Variants in LRRFIP2 observed in about 807,000 individuals in gnomAD.
LRRFIP2 encodes LRR binding FLII interacting protein 2, also known as leucine-rich repeat flightless-interacting protein 2.
In LRRFIP2, 109 loss-of-function variants were observed where a neutral mutation model predicts 125.9. That is an observed-to-expected ratio of 0.87 (90% CI 0.74 to 1.01). The LOEUF is 1.01. Among genes scored for constraint, LRRFIP2 ranks in the 50% least tolerant of loss-of-function variants. The pLI is 0.00. For synonymous variants in LRRFIP2, 291 were observed against 293.1 expected (o/e 0.99, Z 0.07); for missense variants, 850 against 862.3 (o/e 0.99, Z 0.18).
intron 2 of LRRFIP2, among the ~76,000 whole-genome samples, chr3:37,143,339 C>G (rs1163333370): frequency 2.0e-5 from 3 of 152,224 alleles, no homozygotes; most frequent in African/African-American, 7.2e-5. Flanking sequence ...TGAAGATGGT[C>G]TTCGTCAGGA....
At chr3:37,148,686 C>A (rs1433019460) in intron 2 of LRRFIP2, among the ~76,000 whole-genome samples, 1 of 152,208 alleles carries the variant, frequency 6.6e-6, no homozygotes, top group African/African-American at 2.4e-5. Flanking sequence ...ATGTGTTGTT[C>A]AGAGATTCAT....
At chr3:37,065,582 C>A in intron 23 of LRRFIP2, 4 of 672,972 alleles carry the variant, frequency 5.9e-6, no homozygotes, top group Non-Finnish European at 1.1e-5. Context: ...GTACTTCCAT[C>A]CACAGGCCTT....
chr3:37,119,137 A>T (rs2094916438), intron 6 of LRRFIP2, among the ~76,000 whole-genome samples: 1 of 152,186 alleles, frequency 6.6e-6, no homozygotes, highest in Non-Finnish European at 1.5e-5. Context: ...ACAGAGAGTA[A>T]TGTACTAGAA....
chr3:37,147,209 AG>A (rs2095877489), intron 2 of LRRFIP2, among the ~76,000 whole-genome samples: 1 of 152,184 alleles, frequency 6.6e-6, no homozygotes. Flanking sequence ...AAGAAACAAC[AG>A]ATGCTGACGA....
intron 1 of LRRFIP2, among the ~76,000 whole-genome samples, chr3:37,158,942 ATAAAAG>A (rs1169007879): frequency 6.6e-6 from 1 of 152,200 alleles, no homozygotes; most frequent in South Asian, 2.1e-4. Context: ...TACTGGGAAA[ATAAAAG>A]TAAAGAGACC....
intron 16 of LRRFIP2, among the ~76,000 whole-genome samples, chr3:37,095,943 G>A (rs972158857): frequency 2.0e-5 from 3 of 152,164 alleles, no homozygotes; most frequent in Non-Finnish European, 4.4e-5. Flanking sequence ...TACCTAGTCT[G>A]GCCTAGTAAT....
chr3:37,082,016 TTTTC>T (rs1478971378), intron 19 of LRRFIP2, among the ~76,000 whole-genome samples: 3 of 151,858 alleles, frequency 2.0e-5, no homozygotes, highest in Non-Finnish European at 4.4e-5. Context: ...ATTATAAGGG[TTTTC>T]TTTATTTTTA....
chr3:37,160,768 A>T (rs1405253740), intron 1 of LRRFIP2, among the ~76,000 whole-genome samples: 1 of 151,722 alleles, frequency 6.6e-6, no homozygotes. Context: ...AACAGGAGTG[A>T]AACTCTGTCT....
chr3:37,116,446 C>T lies in LRRFIP2; in HGVS notation c.331-1351G>A, dbSNP rs566742809. Among the ~76,000 whole-genome samples, 85 of 152,132 alleles carry T rather than the reference C, an allele frequency of 5.6e-4. 1 individual carries two copies. The South Asian group carries it at 0.017, about 31-fold the overall frequency. ...GCCACCGTACCCTGCCCTCAACCAGCATTTTAAAAACTAAACTAGAAGAGA... is the reference window on the plus strand; with the variant it reads ...GCCACCGTACCCTGCCCTCAACCAGTATTTTAAAAACTAAACTAGAAGAGA... On this transcript the variant is annotated intron_variant, in intron 6 of 27. Transcript: ENST00000336686.
chr3:37,054,225 A>T (rs902955871), intron 27 of LRRFIP2, among the ~76,000 whole-genome samples, 186 bp downstream of exon 27: 1 of 152,218 alleles, frequency 6.6e-6, no homozygotes, highest in Admixed American at 6.5e-5. Flanking sequence ...TTTACTTAGT[A>T]TCTAATTGAC....
At chr3:37,069,763 G>A (rs2090835336) in intron 21 of LRRFIP2, among the ~76,000 whole-genome samples, 1 of 152,216 alleles carries the variant, frequency 6.6e-6, no homozygotes. Flanking sequence ...GTCAACTCGT[G>A]ATTCAATAAC....
At chr3:37,096,093 C>T (rs2093703185) in intron 16 of LRRFIP2, among the ~76,000 whole-genome samples, 1 of 152,156 alleles carries the variant, frequency 6.6e-6, no homozygotes, top group African/African-American at 2.4e-5. Flanking sequence ...GCATTTGTGG[C>T]TCGCATTACA....
At chr3:37,113,218 T>C (rs887490292) in intron 7 of LRRFIP2, among the ~76,000 whole-genome samples, 2 of 152,208 alleles carry the variant, frequency 1.3e-5, no homozygotes, top group Non-Finnish European at 2.9e-5. Flanking sequence ...TCTGTGTGTC[T>C]GGCCAGCTAA....
chr3:37,105,325 T>C (rs2094263899), intron 14 of LRRFIP2, 130 bp downstream of exon 14: 3 of 719,486 alleles, frequency 4.2e-6, no homozygotes, highest in Non-Finnish European at 7.2e-6. Flanking sequence ...GCAAAATATT[T>C]ATATAACTAA....
At chr3:37,148,026 G>C (rs1273186549) in intron 2 of LRRFIP2, among the ~76,000 whole-genome samples, 2 of 152,048 alleles carry the variant, frequency 1.3e-5, no homozygotes, top group African/African-American at 4.8e-5. Context: ...CACTGAATCT[G>C]AACCGACATG....
At chr3:37,131,747 T>C (rs1322854310) in intron 2 of LRRFIP2, among the ~76,000 whole-genome samples, 1 of 152,190 alleles carries the variant, frequency 6.6e-6, no homozygotes, top group African/African-American at 2.4e-5. Flanking sequence ...GAGTAAAGTA[T>C]GACATCTCTG....
At chr3:37,165,876 AAAAACTC>A (rs2096478160) in intron 1 of LRRFIP2, among the ~76,000 whole-genome samples, 1 of 152,052 alleles carries the variant, frequency 6.6e-6, no homozygotes, top group Non-Finnish European at 1.5e-5. Context: ...AGAAAGAAGA[AAAAACTC>A]AAAATGGATC....
Position 37,054,509 on chromosome 3 carries a change from G to A in LRRFIP2, c.1957C>T (p.Arg653Trp), listed in dbSNP as rs149817415. Reference protein sequence around the residue: ...DITTLEQSISRLEGQVLRYKT... With the variant: ...DITTLEQSISWLEGQVLRYKT... ...TATCTCAGAACCTGTCCCTCAAGCC[G>A]GCTAATCTGTAAGTATGAGAACATA... Residue 653 changes from arginine (R) to tryptophan (W), a missense_variant, in exon 27 of 28, where the codon CGG (arginine) becomes TGG (tryptophan). Coordinates refer to ENST00000336686, the MANE Select transcript of LRRFIP2 (RefSeq NM_006309.4). 1,333 of 1,612,630 alleles carry A rather than the reference G, an allele frequency of 8.3e-4. 2 individuals carry two copies. The highest frequency in any genetic ancestry group is 1.0e-3 in the Non-Finnish European group (1,196 of 1,179,040).
At chr3:37,068,621 A>G (rs534670594) in intron 21 of LRRFIP2, 3 of 152,322 alleles carry the variant, frequency 2.0e-5, no homozygotes, top group African/African-American at 7.2e-5. Context: ...TTTGTGTGCA[A>G]CAATAGCTCC....
Sources: gnomAD v4.1 joint callset for allele counts (sites outside exome capture counted in the v4.1 genomes callset) on GRCh38, gnomAD v4.1.1 for gene constraint, MANE v1.5 for transcripts, NCBI Gene and HGNC (gene_info 2026-07-23, HGNC 2026-07-21) for gene names.